Variants in SGK1 observed in about 807,000 individuals in gnomAD.
SGK1 encodes the protein serum/glucocorticoid regulated kinase 1.
A neutral mutation model predicts 64.2 loss-of-function variants in SGK1; 26 were observed. That is an observed-to-expected ratio of 0.40 (90% CI 0.30 to 0.56). The LOEUF (loss-of-function observed/expected upper bound fraction) is 0.56. SGK1 is among the 20% of genes least tolerant of loss of function. The pLI is 0.38. For missense variants in SGK1, 519 were observed against 645.6 expected, an observed-to-expected ratio of 0.80 and a Z score of 2.12; for synonymous variants, 265 against 239.7, an observed-to-expected ratio of 1.11 and a Z score of -0.98.
chr6:134,299,957 AAGAG>A (rs928046941), intron 1 of SGK1, among the ~76,000 whole-genome samples: 5 of 152,160 alleles, frequency 3.3e-5, no homozygotes, highest in African/African-American at 4.8e-5. Context: ...GTAAGTCAAA[AAGAG>A]AGAGAGAAAA....
chr6:134,238,231 G>T (rs1441075711), intron 2 of SGK1, among the ~76,000 whole-genome samples: 1 of 152,204 alleles, frequency 6.6e-6, no homozygotes, highest in Non-Finnish European at 1.5e-5. Context: ...GAAATGGGTT[G>T]ATTTATGCAT....
chr6:134,174,202 T>C (rs1037632239), intron 4 of SGK1, 122 bp from the exon 5 acceptor site: 4 of 678,806 alleles, frequency 5.9e-6, no homozygotes, highest in Non-Finnish European at 1.0e-5. Context: ...AAACTGAAAA[T>C]ACCCCAATAC....
chr6:134,267,759 G>C (rs113034348), intron 1 of SGK1, among the ~76,000 whole-genome samples: 11 of 152,280 alleles, frequency 7.2e-5, no homozygotes, highest in African/African-American at 2.4e-4. Flanking sequence ...TGTCCACACA[G>C]AATGTAGCAA....
At chr6:134,294,241 T>A (rs951610343) in intron 1 of SGK1, among the ~76,000 whole-genome samples, 2 of 152,162 alleles carry the variant, frequency 1.3e-5, no homozygotes, top group Non-Finnish European at 2.9e-5. Context: ...GAAATATACA[T>A]CACATAAAAT....
chr6:134,304,530 C>G (rs888934552), intron 1 of SGK1, among the ~76,000 whole-genome samples: 1 of 152,010 alleles, frequency 6.6e-6, no homozygotes, highest in African/African-American at 2.4e-5. Flanking sequence ...CAGACTGAGG[C>G]AGGAGAATTG....
intron 1 of SGK1, among the ~76,000 whole-genome samples, chr6:134,270,729 G>A (rs1776926289): frequency 6.8e-6 from 1 of 148,090 alleles, no homozygotes; most frequent in African/African-American, 2.4e-5. Context: ...TGGTGGGGAG[G>A]ACTCTGGGGA....
At chr6:134,254,125 T>C (rs1776645858) in intron 2 of SGK1, among the ~76,000 whole-genome samples, 3 of 147,834 alleles carry the variant, frequency 2.0e-5, no homozygotes, top group Admixed American at 6.8e-5. Flanking sequence ...TTTTTTTTTT[T>C]TTCAAAAAAA....
intron 3 of SGK1, among the ~76,000 whole-genome samples, chr6:134,197,864 T>A (rs1428468205): frequency 3.0e-5 from 4 of 133,338 alleles, no homozygotes; most frequent in South Asian, 4.7e-4. Flanking sequence ...AAAATTAAAT[T>A]AAAATAAAAT....
At chr6:134,235,054 A>T (rs1776341743) in intron 2 of SGK1, among the ~76,000 whole-genome samples, 1 of 152,238 alleles carries the variant, frequency 6.6e-6, no homozygotes, top group Non-Finnish European at 1.5e-5. Flanking sequence ...ACAGTCTATG[A>T]ATTTATAGAG....
At chr6:134,230,535 C>T (rs946007795) in intron 2 of SGK1, 1 of 152,088 alleles carries the variant, frequency 6.6e-6, no homozygotes, top group Non-Finnish European at 1.5e-5. Context: ...TAACCATCAG[C>T]TGTGGTGAGA....
chr6:134,174,129 G>A, intron 4 of SGK1, 49 bp from the exon 5 acceptor site: 2 of 1,356,216 alleles, frequency 1.5e-6, no homozygotes, highest in Non-Finnish European at 2.1e-6. Flanking sequence ...CCACTAGGGG[G>A]CACACCAACA....
chr6:134,174,737 A>G, intron 3 of SGK1, 151 bp from the exon 4 acceptor site: 1 of 1,614,154 alleles, frequency 6.2e-7, no homozygotes, highest in South Asian at 1.1e-5. Context: ...CTCACCGATG[A>G]GAATTGCCAC....
rs117850932 is a variant in SGK1, at chr6:134,258,842, G to A, written c.285+3091C>T. 8.5e-3 allele frequency among the ~76,000 whole-genome samples: 1,281 copies of A among 150,906 alleles called. 48 individuals carry two copies. The highest frequency in any genetic ancestry group is 0.071 in the Admixed American group (1,080 of 15,170). ...AAAATAAAATAAAATAAAATTAGCT[G>A]GGCATAGTGGTGCATGGGGCGTGTA... On this transcript the variant is annotated intron_variant, in intron 2 of 13. Transcript: ENST00000367858.
intron 1 of SGK1, among the ~76,000 whole-genome samples, chr6:134,303,977 G>A (rs535219546): frequency 1.7e-4 from 26 of 152,238 alleles, no homozygotes; most frequent in African/African-American, 6.3e-4. Context: ...CCAGGACTCG[G>A]CCTTATGAGA....
chr6:134,265,043 C>T (rs936918878), intron 1 of SGK1, among the ~76,000 whole-genome samples: 8 of 152,046 alleles, frequency 5.3e-5, no homozygotes, highest in Middle Eastern at 3.2e-3. Flanking sequence ...GAATATTTTG[C>T]TATCACTAAA....
At chr6:134,174,866 C>T (rs1775169574) in intron 3 of SGK1, 4 of 1,609,350 alleles carry the variant, frequency 2.5e-6, no homozygotes, top group Non-Finnish European at 2.5e-6. Flanking sequence ...GCGTATGCTG[C>T]GCCAGGCCGC....
intron 2 of SGK1, among the ~76,000 whole-genome samples, chr6:134,219,990 C>A (rs1409155044): frequency 8.0e-6 from 1 of 125,662 alleles, no homozygotes; most frequent in Admixed American, 8.8e-5. Flanking sequence ...ACCCGGGAGG[C>A]GGAGCTTGCA....
chr6:134,232,451 G>GAAAGAAAGAAAGAAAGAA (rs1554222964), intron 2 of SGK1, among the ~76,000 whole-genome samples: 8 of 37,158 alleles, frequency 2.2e-4, no homozygotes, highest in Non-Finnish European at 3.6e-4. Flanking sequence ...AAGAAAGAAA[G>GAAAGAAAGAAAGAAAGAA]AAAGAAAGAA....
chr6:134,174,546 AAT>A lies in SGK1; in HGVS notation c.400_401del (p.Ile134SerfsTer6). ...KQRRMGLNDF[I>X]QKIANNSYAC... ...CATAGGAGTTATTGGCAATCTTCTGAATAAAGTCGTTCAGACCCATCCTCCTC... is the reference window on the plus strand; with the variant it reads ...CATAGGAGTTATTGGCAATCTTCTGAAAAGTCGTTCAGACCCATCCTCCTC... On this transcript the variant is annotated frameshift_variant, in exon 4 of 14. Coordinates refer to ENST00000367858, the MANE Select transcript of SGK1 (RefSeq NM_001143676.3). LOFTEE classifies it high-confidence loss of function. 6.2e-7 allele frequency: 1 copy of A among 1,614,050 alleles called. No individual in the cohort carries two copies.
Sources: allele counts gnomAD v4.1 joint callset (sites outside exome capture counted in the v4.1 genomes callset), GRCh38; gene constraint gnomAD v4.1.1; transcripts MANE v1.5; gene names NCBI Gene and HGNC (gene_info 2026-07-23, HGNC 2026-07-21).